ADCY9: variants seen among roughly 807,000 people sequenced by gnomAD.
The protein encoded by ADCY9 is adenylate cyclase 9.
ADCY9 carries 50 observed loss-of-function variants against 101.5 expected under a neutral mutation model. That is an observed-to-expected ratio of 0.49 (90% CI 0.39 to 0.62). The LOEUF (loss-of-function observed/expected upper bound fraction) is 0.62, where lower values mean the gene tolerates loss of function less well. Ranked by LOEUF, ADCY9 falls within the 20% of genes least tolerant of loss-of-function variation. The pLI, the probability that ADCY9 is intolerant of heterozygous loss-of-function variation, is 0.00. For missense variants in ADCY9, 1,662 were observed against 1,800.4 expected, an observed-to-expected ratio of 0.92 and a Z score of 1.39; for synonymous variants, 905 against 769.3, an observed-to-expected ratio of 1.18 and a Z score of -2.92.
At chr16:4,026,747 G>C (rs1415979266) in intron 2 of ADCY9, among the ~76,000 whole-genome samples, 1 of 152,148 alleles carries the variant, frequency 6.6e-6, no homozygotes, top group Non-Finnish European at 1.5e-5. Context: ...TCTTCAAAGG[G>C]TACATGCTGT....
intron 2 of ADCY9, among the ~76,000 whole-genome samples, chr16:4,061,735 GA>G (rs1393619809): frequency 6.6e-6 from 1 of 151,892 alleles, no homozygotes; most frequent in Admixed American, 6.6e-5. Context: ...CAAGATGAAA[GA>G]AAAAAACACC....
In ADCY9 at chr16:4,094,139, G is replaced by A. The variant is rs1404869322; in HGVS notation, c.1693+19611C>T. Among the ~76,000 whole-genome samples, 3 of 152,322 alleles carry A rather than the reference G, an allele frequency of 2.0e-5. No homozygotes were observed. The South Asian group carries it at 6.2e-4, about 32-fold the overall frequency. ...TTAATCCAGCTGAGACGTTCACTAT[G>A]AAATGTGTGTTAGAGAAAAGTCCTT... On this transcript the variant is annotated intron_variant, in intron 2 of 10. Coordinates refer to ENST00000294016, the MANE Select transcript of ADCY9 (RefSeq NM_001116.4).
Position 4,093,223 on chromosome 16 carries a change from A to G in ADCY9, c.1693+20527T>C, listed in dbSNP as rs1288251059. ...TGCTCTTCAGAAAACTCAACCATCC[A>G]GAAAGTGCTATCACTGACATTTATA... On this transcript the variant is annotated intron_variant, in intron 2 of 10. Transcript: ENST00000294016. Among the ~76,000 whole-genome samples the G allele has an allele frequency of 7.9e-5, 12 of 152,368 alleles. No homozygotes were observed. The East Asian group carries it at 1.7e-3, about 22-fold the overall frequency.
At chr16:4,106,581 A>G (rs1461683487) in intron 2 of ADCY9, among the ~76,000 whole-genome samples, 1 of 152,218 alleles carries the variant, frequency 6.6e-6, no homozygotes, top group Admixed American at 6.5e-5. Context: ...CAGGCCCCTA[A>G]GCTCAGCTAG....
intron 2 of ADCY9, among the ~76,000 whole-genome samples, chr16:4,036,482 T>TTTC (rs2056591078): frequency 7.1e-6 from 1 of 141,342 alleles, no homozygotes; most frequent in African/African-American, 2.6e-5. Flanking sequence ...TTTTTTTTTT[T>TTTC]GAGACAATCT....
intron 2 of ADCY9, among the ~76,000 whole-genome samples, chr16:4,083,863 G>A (rs1368826966): frequency 6.6e-6 from 1 of 152,214 alleles, no homozygotes; most frequent in Non-Finnish European, 1.5e-5. Context: ...AGCACTGGGG[G>A]TGGCAGCTCG....
intron 6 of ADCY9, among the ~76,000 whole-genome samples, chr16:3,985,429 C>T (rs2056183357): frequency 6.6e-6 from 1 of 152,198 alleles, no homozygotes; most frequent in African/African-American, 2.4e-5. Context: ...AGCCACTGTA[C>T]CCGGCCAGGT....
chr16:3,993,545 A>G lies in ADCY9; in HGVS notation c.1885-35T>C, dbSNP rs1034447095. ...AAACACAGACTGTGGGGACACACCCAGAAACCGCGACTGCCACCCTGAATT... is the reference window on the plus strand; with the variant it reads ...AAACACAGACTGTGGGGACACACCCGGAAACCGCGACTGCCACCCTGAATT... On this transcript the variant is annotated intron_variant, in intron 3 of 10. Coordinates refer to ENST00000294016, the MANE Select transcript of ADCY9 (RefSeq NM_001116.4). The G allele has an allele frequency of 1.9e-6, 3 of 1,606,000 alleles. No homozygotes were observed. The African/African-American group carries it at 4.0e-5, about 21-fold the overall frequency.
chr16:3,979,081 G>A (rs2056117345), intron 8 of ADCY9, 35 bp downstream of exon 8: 1 of 1,612,064 alleles, frequency 6.2e-7, no homozygotes, highest in African/African-American at 1.3e-5. Flanking sequence ...GAGTCCAGGA[G>A]AGCGTGGAAA....
chr16:4,089,391 T>C (rs577763438), intron 2 of ADCY9, among the ~76,000 whole-genome samples: 1 of 152,232 alleles, frequency 6.6e-6, no homozygotes, highest in East Asian at 1.9e-4. Context: ...CAGAACTCCA[T>C]TCCTTTTTAA....
rs140394992 is a variant in ADCY9 at position 4,043,422 on chromosome 16, C to T, written c.1694-35864G>A. ...GGCGCGGTGGCTCACACCTATAATC[C>T]CAGCACTTTGGGAAGCCGAGGCAGG... On this transcript the variant is annotated intron_variant, in intron 2 of 10. Transcript: ENST00000294016. Among the ~76,000 whole-genome samples the T allele has an allele frequency of 1.7e-4, 26 of 152,040 alleles. No individual in the cohort carries two copies. The East Asian group carries it at 4.3e-3, about 25-fold the overall frequency.
intron 2 of ADCY9, among the ~76,000 whole-genome samples, chr16:4,069,770 T>A (rs1372610415): frequency 6.6e-6 from 1 of 152,136 alleles, no homozygotes; most frequent in Non-Finnish European, 1.5e-5. Flanking sequence ...AGGCCACCCA[T>A]CAAGTTTTAG....
intron 2 of ADCY9, among the ~76,000 whole-genome samples, chr16:4,039,671 C>G (rs1338804504): frequency 3.1e-5 from 4 of 127,510 alleles, no homozygotes; most frequent in Non-Finnish European, 6.3e-5. Context: ...AAGAGTGAAA[C>G]TCTGTCTCAA....
intron 7 of ADCY9, among the ~76,000 whole-genome samples, chr16:3,980,841 TG>T (rs536812332): frequency 1.3e-5 from 2 of 152,156 alleles, no homozygotes; most frequent in Non-Finnish European, 2.9e-5. Context: ...GATGTGAGGT[TG>T]GAGGGGGCCT....
intron 2 of ADCY9, among the ~76,000 whole-genome samples, chr16:4,044,954 G>A (rs917459650): frequency 1.3e-5 from 2 of 152,100 alleles, no homozygotes; most frequent in Non-Finnish European, 2.9e-5. Context: ...AACTCTTTAC[G>A]AGATGAGGCT....
intron 2 of ADCY9, among the ~76,000 whole-genome samples, chr16:4,052,709 C>T (rs1388055631): frequency 6.6e-6 from 1 of 152,122 alleles, no homozygotes; most frequent in Admixed American, 6.6e-5. Context: ...TTGTTTGAAG[C>T]CACCTGGTTT....
At chr16:4,031,464 C>T (rs932065768) in intron 2 of ADCY9, among the ~76,000 whole-genome samples, 9 of 152,270 alleles carry the variant, frequency 5.9e-5, no homozygotes, top group South Asian at 2.1e-4. Context: ...TATATACACA[C>T]CTACACTGAG....
At chr16:4,086,723 G>A (rs2056941228) in intron 2 of ADCY9, among the ~76,000 whole-genome samples, 1 of 152,082 alleles carries the variant, frequency 6.6e-6, no homozygotes, top group South Asian at 2.1e-4. Context: ...GCAATGGCAT[G>A]ATCTTGGCTC....
At chr16:4,112,522 C>T (rs976678697) in intron 2 of ADCY9, among the ~76,000 whole-genome samples, 1 of 152,012 alleles carries the variant, frequency 6.6e-6, no homozygotes, top group African/African-American at 2.4e-5. Context: ...CTATGCAGGC[C>T]CTACCTCAAC....
Sources: allele counts gnomAD v4.1 joint callset (sites outside exome capture counted in the v4.1 genomes callset), GRCh38; gene constraint gnomAD v4.1.1; transcripts MANE v1.5; gene names NCBI Gene and HGNC (gene_info 2026-07-23, HGNC 2026-07-21).